Variants in DMXL1 observed in about 807,000 individuals in gnomAD.
DMXL1 encodes Dmx like 1.
A neutral mutation model predicts 319.2 loss-of-function variants in DMXL1; 99 were observed. That is an observed-to-expected ratio of 0.31 (90% CI 0.26 to 0.37). The LOEUF is 0.37. DMXL1 is among the 10% of genes least tolerant of loss of function. DMXL1 has a pLI of 1.00. For missense variants in DMXL1, 3,745 were observed against 3,595.6 expected (o/e 1.04, Z -1.06); for synonymous variants, 1,385 against 1,235.2 (o/e 1.12, Z -2.54).
intron 1 of DMXL1, among the ~76,000 whole-genome samples, chr5:119,074,643 A>G (rs1750403967): frequency 6.6e-6 from 1 of 152,248 alleles, no homozygotes; most frequent in Non-Finnish European, 1.5e-5. Flanking sequence ...CTACCTCATC[A>G]GGCATCAAGC....
intron 29 of DMXL1, among the ~76,000 whole-genome samples, chr5:119,191,084 G>A (rs1197593367): frequency 6.6e-6 from 1 of 152,108 alleles, no homozygotes; most frequent in Non-Finnish European, 1.5e-5. Context: ...ATAGCTAATG[G>A]TAAGAGTTTT....
chr5:119,142,536 A>AG (rs1414855621), intron 13 of DMXL1, among the ~76,000 whole-genome samples: 2 of 151,668 alleles, frequency 1.3e-5, no homozygotes, highest in Non-Finnish European at 2.9e-5. Flanking sequence ...AAAAAAAAAA[A>AG]AAGATGCTGA....
At chr5:119,168,693 G>A (rs1158236386) in intron 23 of DMXL1, among the ~76,000 whole-genome samples, 2 of 151,586 alleles carry the variant, frequency 1.3e-5, no homozygotes, top group African/African-American at 4.8e-5. Context: ...GCCTTTTCCA[G>A]CCACTTTCTT....
intron 42 of DMXL1, among the ~76,000 whole-genome samples, chr5:119,242,217 G>T (rs58864994): frequency 0.022 from 3,359 of 152,180 alleles, 123 homozygotes; most frequent in African/African-American, 0.076. Flanking sequence ...TTTAAAAAAT[G>T]TTCCAATATA....
rs1385015939 is a variant in DMXL1, at chr5:119,170,825, G to C, written c.6034G>C (p.Asp2012His). Residue 2012 changes from aspartate (D) to histidine (H), a missense_variant, in exon 24 of 44, where the codon GAT (aspartate) becomes CAT (histidine). Coordinates refer to ENST00000539542, the MANE Select transcript of DMXL1 (RefSeq NM_001290321.3). ...CTACACAGAATCTTTCAGCACACTA[G>C]ATGAAAATGACCTTTTAAATCCATC... Reference protein sequence around the residue: ...SNYTESFSTLDENDLLNPSED... With the variant: ...SNYTESFSTLHENDLLNPSED... 1 of 1,611,640 alleles carries C rather than the reference G, an allele frequency of 6.2e-7. No individual in the cohort carries two copies. Among genetic ancestry groups the C allele is most frequent in the Non-Finnish European group, 8.5e-7 (1 of 1,179,500 alleles).
At chr5:119,109,565 C>T (rs549406398) in intron 4 of DMXL1, among the ~76,000 whole-genome samples, 10 of 152,236 alleles carry the variant, frequency 6.6e-5, no homozygotes, top group Admixed American at 3.3e-4. Flanking sequence ...TATCTGTGTA[C>T]GTTATTCGTT....
intron 9 of DMXL1, among the ~76,000 whole-genome samples, chr5:119,122,940 G>A (rs952796972): frequency 7.2e-5 from 11 of 152,188 alleles, no homozygotes; most frequent in Non-Finnish European, 1.6e-4. Flanking sequence ...CACTTTGGGA[G>A]GCCAAGGCAG....
intron 1 of DMXL1, among the ~76,000 whole-genome samples, chr5:119,090,619 A>C (rs999946024): frequency 2.0e-5 from 3 of 147,236 alleles, no homozygotes; most frequent in Non-Finnish European, 4.5e-5. Flanking sequence ...CTGGGGTGCA[A>C]TGGCGCGATC....
At position 119,193,899 on chromosome 5, in the gene DMXL1, C is replaced by G. The variant is rs746279870; in HGVS notation, c.7386C>G (p.Asp2462Glu). The G allele has an allele frequency of 3.7e-6, 6 of 1,611,752 alleles. No homozygotes were observed. The highest frequency in any genetic ancestry group is 4.2e-6 in the Non-Finnish European group (5 of 1,178,494). The change falls in exon 30 of 44, where the codon GAC becomes GAG. Residue 2462 changes from aspartate (D) to glutamate (E), a missense_variant. This residue lies in a region of DMXL1 where 1,382 missense variants were observed against 1,269.5 expected (regional missense o/e 1.09). Coordinates refer to ENST00000539542, the MANE Select transcript of DMXL1 (RefSeq NM_001290321.3). ...AGAGTCTGGGAAGTGATGATGATGA[C>G]AATGATGATGATGATGATGTTTTAG... The part of the protein sequence containing the change: ...SEESLGSDDD[D>E]NDDDDDVLAS...
Position 119,149,234 on chromosome 5 carries a change from C to A in DMXL1, c.3407C>A (p.Thr1136Lys), listed in dbSNP as rs1769238396. 1.9e-6 allele frequency: 3 copies of A among 1,613,740 alleles called. No homozygotes were observed. Among genetic ancestry groups the A allele is most frequent in the South Asian group, 2.2e-5 (2 of 91,076 alleles). ...LSSKENITSNTKHLVHLDWMS... is the reference protein window; with the variant it reads ...LSSKENITSNKKHLVHLDWMS... ...AGTAAAGAGAATATCACATCAAACA[C>A]AAAGCATTTAGTTCACTTAGATTGG... The change falls in exon 18 of 44, where the codon ACA becomes AAA. Residue 1136 changes from threonine (T) to lysine (K), a missense_variant. Thr to Lys is a moderately conservative substitution (Grantham distance 78). Transcript: ENST00000539542.
At chr5:119,238,185 T>C (rs990981757) in intron 40 of DMXL1, among the ~76,000 whole-genome samples, 1 of 152,084 alleles carries the variant, frequency 6.6e-6, no homozygotes, top group African/African-American at 2.4e-5. Flanking sequence ...TTGGTTTAAA[T>C]TATGAATAAC....
intron 3 of DMXL1, 200 bp downstream of exon 3, chr5:119,102,206 G>A: frequency 2.6e-6 from 1 of 384,784 alleles, no homozygotes; most frequent in South Asian, 5.5e-5. Context: ...CCAATGAATT[G>A]TTGAAATGCT....
intron 30 of DMXL1, among the ~76,000 whole-genome samples, chr5:119,195,073 C>A (rs983520406): frequency 3.8e-5 from 5 of 133,164 alleles, no homozygotes; most frequent in Non-Finnish European, 5.3e-5. Context: ...AAAAAAAAAA[C>A]AAAAACAAAA....
intron 19 of DMXL1, among the ~76,000 whole-genome samples, chr5:119,160,138 G>GATAT (rs142981852): frequency 1.5e-4 from 23 of 149,440 alleles, no homozygotes; most frequent in South Asian, 8.4e-4. Context: ...ATTTGACAGA[G>GATAT]ATATATATAT....
intron 1 of DMXL1, among the ~76,000 whole-genome samples, chr5:119,097,472 C>T (rs560331613): frequency 2.6e-4 from 39 of 152,182 alleles, no homozygotes; most frequent in Admixed American, 5.2e-4. Context: ...AATCCCAGCA[C>T]TTTGGGAGGC....
rs138554077 is a variant in DMXL1 at position 119,149,575 on chromosome 5, G to A, written c.3748G>A (p.Val1250Ile). The change falls in exon 18 of 44, where the codon GTT (valine) becomes ATT (isoleucine). Residue 1250 changes from valine to isoleucine, a missense_variant. Transcript: ENST00000539542. Reference sequence around the variant, plus strand: ...GCAACCATCTTCTAAACAAGAACCTGTTATAACAGATTCGTACAGTGGGAG... The same window carrying A: ...GCAACCATCTTCTAAACAAGAACCTATTATAACAGATTCGTACAGTGGGAG... ...QWQPSSKQEP[V>I]ITDSYSGSTP... 857 of 1,613,768 alleles carry A rather than the reference G, an allele frequency of 5.3e-4. 12 individuals carry two copies. The highest frequency in any genetic ancestry group is 1.3e-4 in the Admixed American group (8 of 59,950).
chr5:119,074,207 C>T (rs1198556718), intron 1 of DMXL1, among the ~76,000 whole-genome samples: 1 of 152,240 alleles, frequency 6.6e-6, no homozygotes, highest in African/African-American at 2.4e-5. Context: ...GCGGGAGCCA[C>T]TGCACCCAGC....
intron 6 of DMXL1, among the ~76,000 whole-genome samples, chr5:119,114,870 A>G (rs547506026): frequency 2.0e-3 from 309 of 152,234 alleles, no homozygotes; most frequent in Middle Eastern, 3.4e-3. Context: ...GGATTTCACC[A>G]TATTGGCCAG....
chr5:119,173,672 A>ATGTGTGTGTGTGTGTGTGTGTGTG lies in DMXL1; in HGVS notation c.6682-1585_6682-1562dup, dbSNP rs771056976. 9.8e-4 allele frequency among the ~76,000 whole-genome samples: 108 copies of ATGTGTGTGTGTGTGTGTGTGTGTG among 110,210 alleles called. 1 individual carries two copies. The highest frequency in any genetic ancestry group is 2.9e-3 in the African/African-American group (98 of 34,362). The allele number at this position is 110,210 out of a possible 152,430, so 72.3% of individuals were successfully genotyped here. ...CAAAGAAACAGAATCAGTAGGATGTATGTGTGTGTGTGTGTGTGTGTGTGT... is the reference window on the plus strand; with the variant it reads ...CAAAGAAACAGAATCAGTAGGATGTATGTGTGTGTGTGTGTGTGTGTGTGTGTGTGTGTGTGTGTGTGTGTGTGT... On this transcript the variant is annotated intron_variant, in intron 25 of 43. Coordinates refer to ENST00000539542, the MANE Select transcript of DMXL1 (RefSeq NM_001290321.3).
Sources: allele counts gnomAD v4.1 joint callset (sites outside exome capture counted in the v4.1 genomes callset), GRCh38; gene constraint gnomAD v4.1.1; regional missense constraint gnomAD v4.1.1; transcripts MANE v1.5; gene names NCBI Gene and HGNC (gene_info 2026-07-23, HGNC 2026-07-21).